The following ZNF214 variants were observed in gnomAD, a reference collection of about 807,000 sequenced individuals.
The protein encoded by ZNF214 is BWSCR2-associated zinc finger protein 1.
A neutral mutation model predicts 53.9 loss-of-function variants in ZNF214; 43 were observed. The observed-to-expected ratio is 0.80, with a 90% CI of 0.63 to 1.03. The LOEUF is 1.03. Among genes scored for constraint, ZNF214 ranks in the 50% least tolerant of loss-of-function variants. The pLI is 0.00. For missense variants in ZNF214, 724 were observed against 719.1 expected (o/e 1.01, Z -0.08); for synonymous variants, 217 against 229.5 (o/e 0.95, Z 0.49).
chr11:7,013,703 G>A (rs889534759), intron 1 of ZNF214, among the ~76,000 whole-genome samples: 7 of 152,086 alleles, frequency 4.6e-5, no homozygotes, highest in African/African-American at 1.4e-4. Context: ...TGACTCCGCC[G>A]GACTTTGTCA....
chr11:7,013,338 G>A (rs1302486619), intron 1 of ZNF214, among the ~76,000 whole-genome samples: 3 of 152,194 alleles, frequency 2.0e-5, no homozygotes, highest in Non-Finnish European at 2.9e-5. Context: ...AATTGTAAGT[G>A]TTGGGAAAAA....
intron 1 of ZNF214, among the ~76,000 whole-genome samples, chr11:7,004,627 C>T (rs901104953): frequency 1.3e-5 from 2 of 152,092 alleles, no homozygotes; most frequent in African/African-American, 4.8e-5. Context: ...CTTTCTTGCT[C>T]TCTCTCTGGG....
Position 7,002,975 on chromosome 11 carries a change from T to G in ZNF214, c.-20-120A>C, listed in dbSNP as rs148303441. ...CAGTAAAGGAGAAAACCAAGAAAGG[T>G]AAGGAGAGGTAATAACAATAGTAGT... On this transcript the variant is annotated intron_variant, in intron 1 of 2. Transcript: ENST00000278314. The G allele has an allele frequency of 6.2e-4, 539 of 871,312 alleles. 4 individuals are homozygous for G. The African/African-American group carries it at 8.8e-3, about 14-fold the overall frequency. The allele number at this position is 871,312 out of a possible 1,614,324, so 54.0% of individuals were successfully genotyped here.
intron 1 of ZNF214, among the ~76,000 whole-genome samples, chr11:7,015,617 T>C (rs1042838696): frequency 6.6e-6 from 1 of 151,684 alleles, no homozygotes; most frequent in Non-Finnish European, 1.5e-5. Flanking sequence ...ACAAATAGGC[T>C]TGAAAAAACA....
intron 2 of ZNF214, among the ~76,000 whole-genome samples, chr11:7,002,179 G>A (rs376068003): frequency 6.6e-6 from 1 of 151,972 alleles, no homozygotes; most frequent in African/African-American, 2.4e-5. Flanking sequence ...GGGTTGGCTT[G>A]TTTGAAGAGA....
intron 1 of ZNF214, among the ~76,000 whole-genome samples, chr11:7,006,303 G>T (rs372821238): frequency 6.6e-6 from 1 of 151,730 alleles, no homozygotes; most frequent in South Asian, 2.1e-4. Flanking sequence ...TCCTTTTTTG[G>T]TATATAAGTA....
At chr11:7,005,068 A>C (rs892563857) in intron 1 of ZNF214, among the ~76,000 whole-genome samples, 1 of 152,056 alleles carries the variant, frequency 6.6e-6, no homozygotes, top group South Asian at 2.1e-4. Context: ...GCTACAACAT[A>C]TAGCAAAAGA....
Position 7,000,071 on chromosome 11 carries a change from T to G in ZNF214, c.1612A>C (p.Ser538Arg). The G allele has an allele frequency of 6.2e-7, 1 of 1,613,454 alleles. No homozygotes were observed. The highest frequency in any genetic ancestry group is 1.7e-5 in the Admixed American group (1 of 59,884). The part of the protein sequence containing the change: ...CHDCGKGFSH[S>R]SNLHIHQRVH... Reference sequence around the variant, plus strand: ...CTCTGATGAATGTGAAGATTAGAACTGTGACTAAAACCCTTTCCACAATCA... The same window carrying G: ...CTCTGATGAATGTGAAGATTAGAACGGTGACTAAAACCCTTTCCACAATCA... The change falls in exon 3 of 3, where the codon AGT (serine) becomes CGT (arginine). Residue 538 changes from serine (S) to arginine (R), a missense_variant. Ser to Arg is a moderately radical substitution (Grantham distance 110). Transcript: ENST00000278314.
chr11:7,009,264 A>G (rs1415253753), intron 1 of ZNF214, among the ~76,000 whole-genome samples: 1 of 152,156 alleles, frequency 6.6e-6, no homozygotes, highest in Non-Finnish European at 1.5e-5. Context: ...GAGCCCAGAA[A>G]AAAATGCCTC....
intron 1 of ZNF214, among the ~76,000 whole-genome samples, chr11:7,008,614 A>T (rs538504525): frequency 6.6e-6 from 1 of 152,140 alleles, no homozygotes; most frequent in East Asian, 1.9e-4. Context: ...AAGAAAGAAA[A>T]GGCATCCAAA....
Position 7,001,116 on chromosome 11 carries a change from A to G in ZNF214, c.567T>C (p.Ser189=). Residue 189 remains serine (S), a synonymous_variant, in exon 3 of 3, where the codon TCT becomes TCC. Transcript: ENST00000278314. Reference sequence around the variant, plus strand: ...GAAGGGCTTCCTCCACTGGGATATAAGAATGCTGAACTATGAGCTTCTGTT... The same window carrying G: ...GAAGGGCTTCCTCCACTGGGATATAGGAATGCTGAACTATGAGCTTCTGTT... ...EKEQKLIVQH[S]YIPVEEALPQ... is the part of the protein sequence containing the mutation. The G allele has an allele frequency of 3.7e-6, 6 of 1,613,340 alleles. No individual in the cohort carries two copies. Among genetic ancestry groups the G allele is most frequent in the Non-Finnish European group, 5.1e-6 (6 of 1,179,574 alleles).
intron 1 of ZNF214, among the ~76,000 whole-genome samples, chr11:7,015,063 G>A (rs1378155270): frequency 7.0e-6 from 1 of 142,148 alleles, no homozygotes; most frequent in African/African-American, 2.5e-5. Context: ...TACAAAAAGA[G>A]TTCAGACATA....
rs950455713 is a variant in ZNF214, at chr11:6,997,382, T to C, written c.*2480A>G. ...ATTTTTAACCCAGTGTTTTCAACAT[T>C]TTAAAATGAAGCATTGAACGTGTTT... is the stretch of plus-strand genomic sequence containing the variant. On this transcript the variant is annotated 3_prime_UTR_variant, in exon 3 of 3. Coordinates refer to ENST00000278314, the MANE Select transcript of ZNF214 (RefSeq NM_013249.4). Among the ~76,000 whole-genome samples, 3 of 151,868 alleles carry C rather than the reference T, an allele frequency of 2.0e-5. No individual in the cohort carries two copies. Among genetic ancestry groups the C allele is most frequent in the Admixed American group, 2.0e-4 (3 of 15,224 alleles).
intron 1 of ZNF214, among the ~76,000 whole-genome samples, chr11:7,003,800 C>G (rs1273986208): frequency 6.6e-6 from 1 of 151,792 alleles, no homozygotes; most frequent in African/African-American, 2.4e-5. Context: ...AAATACATGT[C>G]TAAACAATAA....
At chr11:7,003,794 A>G (rs1851414063) in intron 1 of ZNF214, among the ~76,000 whole-genome samples, 2 of 152,040 alleles carry the variant, frequency 1.3e-5, no homozygotes, top group South Asian at 2.1e-4. Flanking sequence ...ACATGAAAAT[A>G]CATGTCTAAA....
intron 1 of ZNF214, among the ~76,000 whole-genome samples, chr11:7,005,571 T>G (rs1428744686): frequency 6.6e-6 from 1 of 152,132 alleles, no homozygotes; most frequent in Non-Finnish European, 1.5e-5. Flanking sequence ...GTTCTTTTGT[T>G]CCAGGGACTT....
rs1213198113 is a variant in ZNF214, at chr11:6,999,906, G to A, written c.1777C>T (p.His593Tyr). 1 of 1,611,998 alleles carries A rather than the reference G, an allele frequency of 6.2e-7. No individual in the cohort carries two copies. Among genetic ancestry groups the A allele is most frequent in the East Asian group, 2.2e-5 (1 of 44,828 alleles). The change falls in exon 3 of 3, where the codon CAT becomes TAT. Residue 593 changes from histidine (H) to tyrosine (Y), a missense_variant. By Grantham distance (83) the His-to-Tyr change is moderately conservative. Transcript: ENST00000278314. ...KCREYYKGFD[H>Y]NSHLHNNHRR... Reference sequence around the variant, plus strand: ...TGATTATTGTGAAGATGTGAATTATGATCAAATCCCTTATAATATTCACGG... The same window carrying A: ...TGATTATTGTGAAGATGTGAATTATAATCAAATCCCTTATAATATTCACGG...
At position 7,000,872 on chromosome 11, in the gene ZNF214, C is replaced by T. The variant is rs1309176100; in HGVS notation, c.811G>A (p.Gly271Ser). ...DLYRHPRNHI[G>S]KKLYGCDEVD... ...TCATCACATCCGTACAGCTTCTTAC[C>T]TATGTGGTTTCTTGGATGTCTATAC... Residue 271 changes from glycine (G) to serine (S), a missense_variant, in exon 3 of 3, where the codon GGT becomes AGT. Coordinates refer to ENST00000278314, the MANE Select transcript of ZNF214 (RefSeq NM_013249.4). 1.2e-6 allele frequency: 2 copies of T among 1,613,118 alleles called. No homozygotes were observed. The highest frequency in any genetic ancestry group is 2.2e-5 in the East Asian group (1 of 44,846).
intron 1 of ZNF214, among the ~76,000 whole-genome samples, chr11:7,013,396 T>C (rs1851654604): frequency 6.6e-6 from 1 of 152,250 alleles, no homozygotes; most frequent in South Asian, 2.1e-4. Context: ...TAATGTCCTT[T>C]GGAATGTGTC....
Sources: allele counts gnomAD v4.1 joint callset (sites outside exome capture counted in the v4.1 genomes callset), GRCh38; gene constraint gnomAD v4.1.1; transcripts MANE v1.5; gene names NCBI Gene and HGNC (gene_info 2026-07-23, HGNC 2026-07-21).